The following B3GALT1 variants were observed in gnomAD, a reference collection of about 807,000 sequenced individuals.
The protein encoded by B3GALT1 is UDP-Gal:betaGlcNAc beta 1,3-galactosyltransferase, polypeptide 1.
In B3GALT1, 10 loss-of-function variants were observed where a neutral mutation model predicts 23.2. The ratio of observed to expected loss-of-function variants is 0.43; its 90% CI spans 0.27 to 0.73. The LOEUF is 0.73. Ranked by LOEUF, B3GALT1 falls within the 30% of genes least tolerant of loss-of-function variation. The probability of loss-of-function intolerance (pLI) is 0.21; values close to 1 mark genes in which losing one functional copy is unlikely to be tolerated. For synonymous variants in B3GALT1, 156 were observed against 141.5 expected (o/e 1.10, Z -0.73); for missense variants, 299 against 405.4 (o/e 0.74, Z 2.25).
At chr2:167,841,037 A>AG (rs1330314573) in intron 4 of B3GALT1, among the ~76,000 whole-genome samples, 1 of 78,048 alleles carries the variant, frequency 1.3e-5, no homozygotes, top group Admixed American at 1.9e-4. Context: ...GGGTGGGGGG[A>AG]GGGGGGAGGG....
intron 3 of B3GALT1, among the ~76,000 whole-genome samples, chr2:167,804,253 G>C (rs1688701640): frequency 1.3e-5 from 2 of 151,918 alleles, no homozygotes; most frequent in African/African-American, 2.4e-5. Flanking sequence ...GCCGCCCAAA[G>C]TGCTGGGATT....
chr2:167,470,581 T>G (rs916594512), intron 1 of B3GALT1, among the ~76,000 whole-genome samples: 2 of 152,116 alleles, frequency 1.3e-5, no homozygotes, highest in Non-Finnish European at 2.9e-5. Context: ...TAGATTATAT[T>G]TAGAAACAGA....
chr2:167,317,430 T>A (rs1696736625), intron 1 of B3GALT1, among the ~76,000 whole-genome samples: 1 of 152,196 alleles, frequency 6.6e-6, no homozygotes, highest in Middle Eastern at 3.4e-3. Flanking sequence ...ACATTGTTCC[T>A]GGAGGTAATT....
At chr2:167,789,269 G>T (rs529498543) in intron 3 of B3GALT1, among the ~76,000 whole-genome samples, 4 of 152,204 alleles carry the variant, frequency 2.6e-5, no homozygotes, top group African/African-American at 9.6e-5. Flanking sequence ...TGACAGTCCT[G>T]AGCTCATTAT....
At chr2:167,455,386 T>C (rs1032582415) in intron 1 of B3GALT1, among the ~76,000 whole-genome samples, 2 of 152,210 alleles carry the variant, frequency 1.3e-5, no homozygotes, top group African/African-American at 4.8e-5. Context: ...TCATTAAATA[T>C]ATATATTTAG....
Position 167,481,218 on chromosome 2 carries a change from T to TAA in B3GALT1, c.-510-8952_-510-8951dup, listed in dbSNP as rs36114231. 3.7e-3 allele frequency among the ~76,000 whole-genome samples: 554 copies of TAA among 150,992 alleles called. 15 individuals are homozygous for TAA. The East Asian group carries it at 0.068, about 19-fold the overall frequency. On this transcript the variant is annotated intron_variant, in intron 1 of 4. Transcript: ENST00000392690. Reference sequence around the variant, plus strand: ...AGTCCTTTTTGCTGCTTATATATGGTAAAAAAAACATAACTAAAATAAATT... The same window carrying TAA: ...AGTCCTTTTTGCTGCTTATATATGGTAAAAAAAAAACATAACTAAAATAAATT...
chr2:167,472,729 C>A (rs988487900), intron 1 of B3GALT1, among the ~76,000 whole-genome samples: 2 of 152,054 alleles, frequency 1.3e-5, no homozygotes, highest in African/African-American at 4.8e-5. Flanking sequence ...TTGCTGTGCT[C>A]TTCCTCATTC....
chr2:167,586,619 T>A (rs1684589333), intron 2 of B3GALT1, among the ~76,000 whole-genome samples: 1 of 152,186 alleles, frequency 6.6e-6, no homozygotes, highest in African/African-American at 2.4e-5. Flanking sequence ...TTTTCACAGA[T>A]ACCTTTCAAC....
At position 167,713,649 on chromosome 2, in the gene B3GALT1, A is replaced by G. The variant is rs1225100636; in HGVS notation, c.-352+66683A>G. The G allele has an allele frequency of 3.7e-6, 5 of 1,334,720 alleles. No homozygotes were observed. The African/African-American group carries it at 5.9e-5, about 16-fold the overall frequency. The allele number at this position is 1,334,720 out of a possible 1,614,324, so 82.7% of individuals were successfully genotyped here. On this transcript the variant is annotated intron_variant, in intron 3 of 4. Transcript: ENST00000392690. Reference sequence around the variant, plus strand: ...AAAGTTGCTTTTGAAGAAAGCAAAAATATTGTCAGATTTCTTGCTGTGGTT... The same window carrying G: ...AAAGTTGCTTTTGAAGAAAGCAAAAGTATTGTCAGATTTCTTGCTGTGGTT...
chr2:167,522,460 C>T (rs1177646808), intron 2 of B3GALT1, among the ~76,000 whole-genome samples: 2 of 152,056 alleles, frequency 1.3e-5, no homozygotes, highest in African/African-American at 2.4e-5. Context: ...AGCAGATTGA[C>T]ACATTTTTCT....
At chr2:167,762,278 A>G (rs1171604516) in intron 3 of B3GALT1, among the ~76,000 whole-genome samples, 1 of 152,208 alleles carries the variant, frequency 6.6e-6, no homozygotes, top group Non-Finnish European at 1.5e-5. Context: ...ATACCAATAC[A>G]TACAAGAAAT....
Position 167,302,268 on chromosome 2 carries a change from G to A in B3GALT1, c.-511+8934G>A, listed in dbSNP as rs531881412. ...GTTATTTTTGCATAGTAGGATGATA[G>A]GGATTTCATTTTTAAGTATATGAAA... On this transcript the variant is annotated intron_variant, in intron 1 of 4. Transcript: ENST00000392690. 7.2e-5 allele frequency among the ~76,000 whole-genome samples: 11 copies of A among 152,186 alleles called. No homozygotes were observed. In the South Asian group the frequency reaches 2.3e-3, roughly 32 times the overall value.
At chr2:167,862,397 GA>G (rs1690118938) in intron 4 of B3GALT1, among the ~76,000 whole-genome samples, 2 of 152,206 alleles carry the variant, frequency 1.3e-5, no homozygotes, top group Non-Finnish European at 2.9e-5. Flanking sequence ...CTTAAGCAGA[GA>G]GAGCAAATTA....
chr2:167,551,875 G>A (rs1323884217), intron 2 of B3GALT1, among the ~76,000 whole-genome samples: 2 of 152,080 alleles, frequency 1.3e-5, no homozygotes, highest in Non-Finnish European at 2.9e-5. Context: ...ACACTGGAGG[G>A]GGCATTTGAG....
chr2:167,616,890 T>A (rs979927702), intron 2 of B3GALT1, among the ~76,000 whole-genome samples: 3 of 152,228 alleles, frequency 2.0e-5, no homozygotes, highest in South Asian at 2.1e-4. Context: ...TTGATTCAGA[T>A]CTCCTCTATC....
chr2:167,840,153 G>A (rs1689606169), intron 4 of B3GALT1, among the ~76,000 whole-genome samples: 2 of 152,058 alleles, frequency 1.3e-5, no homozygotes, highest in South Asian at 4.2e-4. Flanking sequence ...CAAAAGCAAT[G>A]GCAACAAAAG....
At chr2:167,699,080 A>C (rs1686831686) in intron 3 of B3GALT1, among the ~76,000 whole-genome samples, 1 of 152,220 alleles carries the variant, frequency 6.6e-6, no homozygotes, top group Admixed American at 6.5e-5. Flanking sequence ...TAAAGAACCC[A>C]TCAGGAGCCA....
intron 3 of B3GALT1, among the ~76,000 whole-genome samples, chr2:167,668,421 C>T (rs1324689146): frequency 2.0e-5 from 3 of 152,146 alleles, no homozygotes; most frequent in South Asian, 4.1e-4. Context: ...GTGCCCTGCC[C>T]CCAGAGGTGG....
In B3GALT1 at chr2:167,521,708, A is replaced by G. The variant is rs1352335860; in HGVS notation, c.-410+31431A>G. Reference sequence around the variant, plus strand: ...TTTTGCTACTATCACAATACAGGACACTCAGTTCTTTACAGTCTCACTGCC... The same window carrying G: ...TTTTGCTACTATCACAATACAGGACGCTCAGTTCTTTACAGTCTCACTGCC... On this transcript the variant is annotated intron_variant, in intron 2 of 4. Coordinates refer to ENST00000392690, the MANE Select transcript of B3GALT1 (RefSeq NM_020981.4). 6.6e-5 allele frequency among the ~76,000 whole-genome samples: 10 copies of G among 152,154 alleles called. No homozygotes were observed. In the South Asian group the frequency reaches 1.9e-3, roughly 28 times the overall value.
Sources: gnomAD v4.1 joint callset for allele counts (sites outside exome capture counted in the v4.1 genomes callset) on GRCh38, gnomAD v4.1.1 for gene constraint, MANE v1.5 for transcripts, NCBI Gene and HGNC (gene_info 2026-07-23, HGNC 2026-07-21) for gene names.